EXD3: variants seen among roughly 807,000 people sequenced by gnomAD.
EXD3 encodes the protein exonuclease 3'-5' domain containing 3.
Under a neutral mutation model 98.0 loss-of-function variants are expected in EXD3, and 92 were observed. The observed-to-expected ratio is 0.94, with a 90% CI of 0.79 to 1.12. The LOEUF (loss-of-function observed/expected upper bound fraction) is 1.12. EXD3 is among the 50% of genes most tolerant of loss of function. The pLI, the probability that EXD3 is intolerant of heterozygous loss-of-function variation, is 0.00. For missense variants in EXD3, 1,222 were observed against 1,191.6 expected (o/e 1.03, Z -0.38); for synonymous variants, 569 against 526.0 (o/e 1.08, Z -1.12).
At chr9:137,355,707 A>AGGAGGAAGGAGGAAGGAGGAAGGAGAAAG (rs1834730528) in intron 8 of EXD3, among the ~76,000 whole-genome samples, 2 of 139,142 alleles carry the variant, frequency 1.4e-5, no homozygotes, top group Non-Finnish European at 3.1e-5. Context: ...GGAAGGAGGA[A>AGGAGGAAGGAGGAAGGAGGAAGGAGAAAG]GGAGGAAGGA....
chr9:137,355,892 T>C lies in EXD3; in HGVS notation c.757+376A>G, dbSNP rs150705644. On this transcript the variant is annotated intron_variant, in intron 8 of 21. Transcript: ENST00000340951. ...GCAAAGGGGACCTGGCTTCCCTTGG[T>C]GTCCAACGACACAGGCAGGTGTGGC... is the stretch of plus-strand genomic sequence containing the variant. 7.8e-3 allele frequency among the ~76,000 whole-genome samples: 1,191 copies of C among 152,230 alleles called. 5 individuals carry two copies. The highest frequency in any genetic ancestry group is 0.014 in the Non-Finnish European group (919 of 67,976).
Position 137,403,381 on chromosome 9 carries a change from G to T in EXD3, c.-47-7977C>A, listed in dbSNP as rs1837563366. On this transcript the variant is annotated intron_variant, in intron 1 of 21. Coordinates refer to ENST00000340951, the MANE Select transcript of EXD3 (RefSeq NM_017820.5). The surrounding 1 kb of genome is among the most constrained non-coding windows in gnomAD (Gnocchi z 6.1). ...CTGAGTTTGGGGGCACAGGCAGGGA[G>T]CTGCAGACCCCGTTCCTCTGTAGCC... 6.6e-6 allele frequency among the ~76,000 whole-genome samples: 1 copy of T among 152,010 alleles called. No homozygotes were observed. The highest frequency in any genetic ancestry group is 2.1e-4 in the South Asian group (1 of 4,822).
At chr9:137,311,616 C>T (rs976537844) in intron 19 of EXD3, among the ~76,000 whole-genome samples, 7 of 152,210 alleles carry the variant, frequency 4.6e-5, no homozygotes, top group Non-Finnish European at 8.8e-5. Flanking sequence ...CGGGAACCAC[C>T]GGTGCTGGTT....
At chr9:137,416,639 C>T (rs2131839623) in intron 1 of EXD3, among the ~76,000 whole-genome samples, 1 of 152,334 alleles carries the variant, frequency 6.6e-6, no homozygotes, top group South Asian at 2.1e-4. Context: ...CTCAGAGCAT[C>T]ATCCTGCGCC....
chr9:137,420,502 G>A (rs1838461400), intron 1 of EXD3, among the ~76,000 whole-genome samples: 1 of 152,158 alleles, frequency 6.6e-6, no homozygotes. Context: ...TGGAGACCCT[G>A]GTTATTCTAC....
chr9:137,366,140 C>G (rs1363847013), intron 7 of EXD3: 1 of 699,650 alleles, frequency 1.4e-6, no homozygotes, highest in Non-Finnish European at 2.6e-6. Flanking sequence ...ACGTCACACA[C>G]CAAGTGCTTC....
At chr9:137,396,732 G>A (rs1234093441) in intron 1 of EXD3, among the ~76,000 whole-genome samples, 2 of 152,256 alleles carry the variant, frequency 1.3e-5, no homozygotes, top group Non-Finnish European at 2.9e-5. Context: ...TCACATGGAG[G>A]TTAGGATGCC....
intron 17 of EXD3, among the ~76,000 whole-genome samples, chr9:137,344,474 C>G (rs1033548035): frequency 3.3e-5 from 5 of 152,170 alleles, no homozygotes; most frequent in African/African-American, 4.8e-5. Context: ...TTCGCTGGCA[C>G]GTTTCCTGTC....
At chr9:137,351,202 C>T in intron 13 of EXD3, 55 bp from the exon 14 acceptor site, 4 of 1,538,518 alleles carry the variant, frequency 2.6e-6, no homozygotes, top group South Asian at 1.2e-5. Flanking sequence ...CCGCACTGTC[C>T]CCTGACCCCA....
At chr9:137,398,636 G>A (rs1014047300) in intron 1 of EXD3, among the ~76,000 whole-genome samples, 3 of 146,094 alleles carry the variant, frequency 2.1e-5, no homozygotes, top group Non-Finnish European at 4.5e-5. Context: ...AGACACACAG[G>A]CACCCGCGTC....
intron 2 of EXD3, among the ~76,000 whole-genome samples, chr9:137,387,038 CTGCCTCCCTCAGCACCCCTGCTCCGTGCT>C: frequency 6.6e-6 from 1 of 151,096 alleles, no homozygotes. Context: ...TGCTCCCTGC[CTGCCTCCCTCAGCACCCCTGCTCCGTGCT>C]TGGCCCCCGG....
chr9:137,404,781 A>G (rs1837638608), intron 1 of EXD3, among the ~76,000 whole-genome samples: 1 of 151,580 alleles, frequency 6.6e-6, no homozygotes. Context: ...AAATGCTTGA[A>G]CCCGGGAGGC....
Position 137,371,734 on chromosome 9 carries a change from C to A in EXD3, c.462+1171G>T, listed in dbSNP as rs541244215. Among the ~76,000 whole-genome samples the A allele has an allele frequency of 6.6e-6, 1 of 151,712 alleles. No individual in the cohort carries two copies. Among genetic ancestry groups the A allele is most frequent in the Admixed American group, 6.6e-5 (1 of 15,260 alleles). On this transcript the variant is annotated intron_variant, in intron 5 of 21. Coordinates refer to ENST00000340951, the MANE Select transcript of EXD3 (RefSeq NM_017820.5). This position sits in a 1 kb window ranked among gnomAD's most constrained non-coding sequence, Gnocchi z 8.0. The stretch of plus-strand genomic sequence containing the variant: ...AGGCAGGACACCCCTGGGCCAAGCA[C>A]CCCCGGGCCGAGCACCCCCAAGCAG...
chr9:137,421,637 GA>G, intron 1 of EXD3, among the ~76,000 whole-genome samples: 1 of 152,314 alleles, frequency 6.6e-6, no homozygotes, highest in East Asian at 1.9e-4. Flanking sequence ...AGGAGTTCGA[GA>G]CTAGCCTGGG....
intron 17 of EXD3, among the ~76,000 whole-genome samples, chr9:137,331,120 G>A (rs1833044557): frequency 6.6e-6 from 1 of 152,076 alleles, no homozygotes; most frequent in African/African-American, 2.4e-5. Context: ...CAGTAAGTTT[G>A]ATTCATCACC....
intron 10 of EXD3, chr9:137,353,702 C>T (rs1834438333): frequency 1.4e-5 from 14 of 985,584 alleles, no homozygotes; most frequent in Non-Finnish European, 1.7e-5. Flanking sequence ...AAGCGAGGGT[C>T]TCCCTCCCCG....
intron 1 of EXD3, among the ~76,000 whole-genome samples, chr9:137,408,546 C>CAAAAAAAAAAA (rs570243090): frequency 4.5e-5 from 2 of 44,478 alleles, no homozygotes; most frequent in African/African-American, 1.1e-4. Flanking sequence ...GACTCTGCCT[C>CAAAAAAAAAAA]AAAAAAAAAA....
intron 5 of EXD3, among the ~76,000 whole-genome samples, chr9:137,369,507 T>G (rs1438766104): frequency 6.6e-6 from 1 of 152,170 alleles, no homozygotes; most frequent in Non-Finnish European, 1.5e-5. Context: ...GCCCGGCACC[T>G]CCTTGGGACC....
intron 1 of EXD3, among the ~76,000 whole-genome samples, chr9:137,400,713 C>T (rs577673345): frequency 6.6e-5 from 10 of 151,066 alleles, no homozygotes; most frequent in Non-Finnish European, 1.5e-4. Context: ...TGCAATGAGC[C>T]GAGATCGCGC....
Sources: gnomAD v4.1 joint callset for allele counts (sites outside exome capture counted in the v4.1 genomes callset) on GRCh38, gnomAD v4.1.1 for gene constraint, Gnocchi (gnomAD v3.1) non-coding constraint, MANE v1.5 for transcripts, NCBI Gene and HGNC (gene_info 2026-07-23, HGNC 2026-07-21) for gene names.